SLC7A2: variants seen among roughly 807,000 people sequenced by gnomAD.
SLC7A2 encodes the protein cationic amino acid transporter 2.
Under a neutral mutation model 58.9 loss-of-function variants are expected in SLC7A2, and 48 were observed. The ratio of observed to expected loss-of-function variants is 0.82; its 90% CI spans 0.65 to 1.04. The LOEUF is 1.04. SLC7A2 is among the 50% of genes least tolerant of loss of function. The probability of loss-of-function intolerance (pLI) is 0.00; values close to 1 mark genes in which losing one functional copy is unlikely to be tolerated. For synonymous variants in SLC7A2, 363 were observed against 314.5 expected (o/e 1.15, Z -1.63); for missense variants, 1,029 against 818.8 (o/e 1.26, Z -3.13).
At chr8:17,550,701 C>G (rs1311009724) in intron 6 of SLC7A2, among the ~76,000 whole-genome samples, 1 of 152,222 alleles carries the variant, frequency 6.6e-6, no homozygotes, top group African/African-American at 2.4e-5. Context: ...ATGAAAAATA[C>G]TTTGCCAGCT....
intron 8 of SLC7A2, among the ~76,000 whole-genome samples, chr8:17,557,644 A>G (rs1802769189): frequency 6.6e-6 from 1 of 152,142 alleles, no homozygotes; most frequent in Admixed American, 6.5e-5. Flanking sequence ...CCTGACCAAC[A>G]TGGTGAAACC....
chr8:17,509,422 C>A (rs1800506312), intron 2 of SLC7A2, among the ~76,000 whole-genome samples: 1 of 152,066 alleles, frequency 6.6e-6, no homozygotes, highest in Admixed American at 6.6e-5. Context: ...TCTTCTGCCT[C>A]ACCCTCCCAA....
At position 17,562,050 on chromosome 8, in the gene SLC7A2, C is replaced by T. The variant is rs767293482; in HGVS notation, c.1611C>T (p.Phe537=). Residue 537 remains phenylalanine, a synonymous_variant, in exon 11 of 13, where the codon TTC becomes TTT. Coordinates refer to ENST00000494857, the MANE Select transcript of SLC7A2 (RefSeq NM_001370338.1). ...TCCTCGCGCTGTTTCTTGTTCTCTT[C>T]GTTGCCATCGTTCTCACCATCTGGA... The part of the protein sequence containing the change: ...LALLALFLVL[F]VAIVLTIWRQ... 84 of 1,613,876 alleles carry T rather than the reference C, an allele frequency of 5.2e-5. No individual in the cohort carries two copies. The highest frequency in any genetic ancestry group is 3.3e-4 in the African/African-American group (25 of 74,890).
chr8:17,540,249 T>A (rs138576266), intron 2 of SLC7A2, among the ~76,000 whole-genome samples: 2 of 152,188 alleles, frequency 1.3e-5, no homozygotes, highest in Non-Finnish European at 2.9e-5. Context: ...TAGTTCTGCA[T>A]TGTGGCTTTT....
chr8:17,560,310 A>ATGTT lies in SLC7A2; in HGVS notation c.1299-11_1299-8dup. On this transcript the variant is annotated splice_polypyrimidine_tract_variant and intron_variant, in intron 9 of 12. Transcript: ENST00000494857. ...TGTCTATTTGAGAATAAAGACATAG[A>ATGTT]TGTTTGTTTGGAAATAGGTACCAGC... 1 of 1,598,136 alleles carries ATGTT rather than the reference A, an allele frequency of 6.3e-7. No individual in the cohort carries two copies. Among genetic ancestry groups the ATGTT allele is most frequent in the Non-Finnish European group, 8.6e-7 (1 of 1,165,556 alleles).
At chr8:17,545,310 A>G (rs1020242327) in intron 4 of SLC7A2, among the ~76,000 whole-genome samples, 10 of 151,640 alleles carry the variant, frequency 6.6e-5, no homozygotes, top group African/African-American at 9.7e-5. Context: ...TTTGGTTCCT[A>G]GTAAGCACTC....
chr8:17,504,136 T>G (rs1800276395), intron 2 of SLC7A2, among the ~76,000 whole-genome samples: 1 of 152,228 alleles, frequency 6.6e-6, no homozygotes, highest in Non-Finnish European at 1.5e-5. Context: ...GGTAGAAGAA[T>G]AACAAACTAC....
At chr8:17,558,212 G>C in intron 8 of SLC7A2, 83 bp from the exon 9 acceptor site, 1 of 823,924 alleles carries the variant, frequency 1.2e-6, no homozygotes, top group Non-Finnish European at 2.1e-6. Context: ...GTGGCAGTCA[G>C]ATGTCCCTGA....
Position 17,554,595 on chromosome 8 carries a change from T to C in SLC7A2, c.1091T>C (p.Ile364Thr), listed in dbSNP as rs1194970911. Residue 364 changes from isoleucine to threonine, a missense_variant, in exon 8 of 13, where the codon ATC (isoleucine) becomes ACC (threonine). Coordinates refer to ENST00000494857, the MANE Select transcript of SLC7A2 (RefSeq NM_001370338.1). ...LGSIFPMPRVIYAMAEDGLLF... is the reference protein window; with the variant it reads ...LGSIFPMPRVTYAMAEDGLLF... The stretch of plus-strand genomic sequence containing the variant: ...TCCATTTTCCCAATGCCTCGTGTAA[T>C]CTATGCTATGGCGGAGGATGGGTTG... 42 of 1,611,012 alleles carry C rather than the reference T, an allele frequency of 2.6e-5. No individual in the cohort carries two copies. The highest frequency in any genetic ancestry group is 3.1e-5 in the Non-Finnish European group (37 of 1,179,386).
chr8:17,537,063 T>G (rs779384409), intron 2 of SLC7A2, among the ~76,000 whole-genome samples: 21 of 152,106 alleles, frequency 1.4e-4, no homozygotes, highest in Non-Finnish European at 1.8e-4. Flanking sequence ...CTTTTATTTA[T>G]TTAGTTATTT....
At chr8:17,505,676 GA>G (rs552303238) in intron 2 of SLC7A2, among the ~76,000 whole-genome samples, 2 of 151,862 alleles carry the variant, frequency 1.3e-5, no homozygotes, top group East Asian at 1.9e-4. Flanking sequence ...GACATAAACA[GA>G]AAAAAAATGG....
At chr8:17,518,184 T>C (rs1186825945) in intron 2 of SLC7A2, among the ~76,000 whole-genome samples, 1 of 151,886 alleles carries the variant, frequency 6.6e-6, no homozygotes, top group Non-Finnish European at 1.5e-5. Context: ...CCCCATATGA[T>C]AGTCTCAAAT....
chr8:17,548,320 AACAGAGCGAG>A (rs1423197982), intron 4 of SLC7A2, among the ~76,000 whole-genome samples: 1 of 152,220 alleles, frequency 6.6e-6, no homozygotes, highest in African/African-American at 2.4e-5. Flanking sequence ...CTGCCAGGGA[AACAGAGCGAG>A]ACTCTGTCTC....
At chr8:17,527,609 C>A (rs1223266528) in intron 2 of SLC7A2, among the ~76,000 whole-genome samples, 1 of 152,136 alleles carries the variant, frequency 6.6e-6, no homozygotes. Flanking sequence ...AGGGTCATTC[C>A]TTGCCTCTTC....
intron 4 of SLC7A2, among the ~76,000 whole-genome samples, chr8:17,547,797 T>C (rs956355361): frequency 4.1e-5 from 6 of 144,868 alleles, no homozygotes; most frequent in African/African-American, 1.4e-4. Flanking sequence ...TGTGTGTGTG[T>C]GTGTGTGTGT....
intron 1 of SLC7A2, among the ~76,000 whole-genome samples, chr8:17,501,657 G>A (rs920416107): frequency 6.6e-6 from 1 of 151,984 alleles, no homozygotes; most frequent in African/African-American, 2.4e-5. Context: ...GCATTCTAGT[G>A]CTGCAAATGT....
At chr8:17,563,868 T>A (rs954837785) in intron 12 of SLC7A2, among the ~76,000 whole-genome samples, 157 bp downstream of exon 12, 4 of 152,248 alleles carry the variant, frequency 2.6e-5, no homozygotes, top group Non-Finnish European at 4.4e-5. Context: ...TGTTTTCAGA[T>A]GCCTTTTTAA....
At chr8:17,532,229 C>CAAA (rs534441508) in intron 2 of SLC7A2, among the ~76,000 whole-genome samples, 1,884 of 46,112 alleles carry the variant, frequency 0.041, 101 homozygotes, top group East Asian at 0.13. Flanking sequence ...GACTCTATCT[C>CAAA]AAAAAAAAAA....
chr8:17,552,136 T>C, intron 7 of SLC7A2, 150 bp downstream of exon 7: 1 of 649,328 alleles, frequency 1.5e-6, no homozygotes, highest in Admixed American at 2.9e-5. Flanking sequence ...GCTCAGAATT[T>C]CCACATAAAA....
Sources: gnomAD v4.1 joint callset for allele counts (sites outside exome capture counted in the v4.1 genomes callset) on GRCh38, gnomAD v4.1.1 for gene constraint, MANE v1.5 for transcripts, NCBI Gene and HGNC (gene_info 2026-07-23, HGNC 2026-07-21) for gene names.